Variants in TRPC4AP observed in about 807,000 individuals in gnomAD.
TRPC4AP encodes short transient receptor potential channel 4-associated protein.
In TRPC4AP, 45 loss-of-function variants were observed where a neutral mutation model predicts 99.0. That is an observed-to-expected ratio of 0.45 (90% CI 0.36 to 0.58). TRPC4AP has a LOEUF of 0.58. Among genes scored for constraint, TRPC4AP ranks in the 20% least tolerant of loss-of-function variants. The pLI is 0.00. For missense variants in TRPC4AP, 879 were observed against 985.3 expected, an observed-to-expected ratio of 0.89 and a Z score of 1.44; for synonymous variants, 408 against 385.8, an observed-to-expected ratio of 1.06 and a Z score of -0.67.
At chr20:35,006,040 T>C (rs1363961154) in intron 15 of TRPC4AP, among the ~76,000 whole-genome samples, 1 of 152,076 alleles carries the variant, frequency 6.6e-6, no homozygotes, top group African/African-American at 2.4e-5. Context: ...CGCTCAAGGG[T>C]GCTGGATTCC....
At chr20:35,056,696 C>T (rs1280941587) in intron 4 of TRPC4AP, among the ~76,000 whole-genome samples, 2 of 151,670 alleles carry the variant, frequency 1.3e-5, no homozygotes, top group Admixed American at 6.6e-5. Flanking sequence ...AATTAAATAC[C>T]GAAGCTGGGT....
chr20:35,092,065 C>T (rs1280485892), intron 1 of TRPC4AP, among the ~76,000 whole-genome samples: 1 of 152,054 alleles, frequency 6.6e-6, no homozygotes, highest in East Asian at 1.9e-4. Flanking sequence ...AGGCAGACAA[C>T]AAAGAAATAC....
At chr20:35,083,202 C>T (rs144249405) in intron 1 of TRPC4AP, among the ~76,000 whole-genome samples, 78 of 152,226 alleles carry the variant, frequency 5.1e-4, no homozygotes, top group Non-Finnish European at 9.4e-4. Flanking sequence ...ATTACAGCTA[C>T]AATTTTTAAA....
chr20:35,068,952 C>CACACACACACA (rs2084219343), intron 3 of TRPC4AP, among the ~76,000 whole-genome samples: 1 of 47,752 alleles, frequency 2.1e-5, no homozygotes, highest in Non-Finnish European at 3.9e-5. Flanking sequence ...TATTTACACA[C>CACACACACACA]ACACACACAC....
At chr20:35,012,642 G>T (rs140909956) in intron 11 of TRPC4AP, among the ~76,000 whole-genome samples, 2 of 152,184 alleles carry the variant, frequency 1.3e-5, no homozygotes, top group Non-Finnish European at 2.9e-5. Context: ...GTAAGCAGTC[G>T]GCTTTGCCTG....
intron 8 of TRPC4AP, among the ~76,000 whole-genome samples, chr20:35,031,201 C>G (rs2083183692): frequency 6.6e-6 from 1 of 151,760 alleles, no homozygotes; most frequent in African/African-American, 2.4e-5. Context: ...CCATTTTTCT[C>G]TTACTACTTT....
intron 8 of TRPC4AP, among the ~76,000 whole-genome samples, chr20:35,032,945 GTAA>G (rs1422366684): frequency 6.6e-6 from 1 of 150,864 alleles, no homozygotes; most frequent in African/African-American, 2.4e-5. Flanking sequence ...GCTCACGCCT[GTAA>G]TCCTAGCACT....
intron 3 of TRPC4AP, among the ~76,000 whole-genome samples, chr20:35,058,558 C>G (rs916089515): frequency 4.7e-4 from 72 of 151,776 alleles, no homozygotes; most frequent in African/African-American, 1.7e-3. Context: ...TAATAATGGG[C>G]CAAAGAAGAA....
At chr20:35,004,428 C>T in intron 17 of TRPC4AP, 30 bp downstream of exon 17, 1 of 1,588,996 alleles carries the variant, frequency 6.3e-7, no homozygotes, top group Non-Finnish European at 8.6e-7. Flanking sequence ...AATCGACCTT[C>T]CCTGCTGTGT....
intron 5 of TRPC4AP, among the ~76,000 whole-genome samples, chr20:35,054,140 T>C (rs2083768875): frequency 6.6e-6 from 1 of 152,122 alleles, no homozygotes; most frequent in Non-Finnish European, 1.5e-5. Flanking sequence ...ACCCACAAGA[T>C]GTCAGAAATC....
At chr20:35,086,525 A>ATGTGTGTGTG (rs1176461079) in intron 1 of TRPC4AP, among the ~76,000 whole-genome samples, 5 of 69,190 alleles carry the variant, frequency 7.2e-5, no homozygotes, top group African/African-American at 1.1e-4. Flanking sequence ...GTGTGTATAT[A>ATGTGTGTGTG]TGTGTGTGTG....
intron 8 of TRPC4AP, among the ~76,000 whole-genome samples, chr20:35,023,350 C>T (rs1600530566): frequency 6.6e-6 from 1 of 152,122 alleles, no homozygotes; most frequent in East Asian, 1.9e-4. Flanking sequence ...CTGAAGGTGC[C>T]TGGAACATAG....
At chr20:35,033,820 G>A (rs1328096905) in intron 8 of TRPC4AP, among the ~76,000 whole-genome samples, 2 of 111,716 alleles carry the variant, frequency 1.8e-5, no homozygotes, top group Non-Finnish European at 3.8e-5. Context: ...GGCAAAACCC[G>A]TCTCTATTCA....
intron 1 of TRPC4AP, among the ~76,000 whole-genome samples, chr20:35,090,886 A>C (rs1043430594): frequency 6.6e-6 from 1 of 152,154 alleles, no homozygotes; most frequent in Non-Finnish European, 1.5e-5. Context: ...TGAGTCTTGA[A>C]GCATAACTCA....
intron 3 of TRPC4AP, among the ~76,000 whole-genome samples, chr20:35,066,902 CAG>C (rs1239233608): frequency 2.0e-5 from 3 of 151,928 alleles, no homozygotes; most frequent in Non-Finnish European, 4.4e-5. Context: ...AGGTGCAAAA[CAG>C]AAAACTGGCA....
At position 35,089,004 on chromosome 20, in the gene TRPC4AP, C is replaced by T. The variant is rs866861252; in HGVS notation, c.168+3610G>A. The stretch of plus-strand genomic sequence containing the variant: ...AAAGTTCTGGAAATCTGTTTCACAA[C>T]AATGGGAATATACTTCACATTACTT... On this transcript the variant is annotated intron_variant, in intron 1 of 18. Coordinates refer to ENST00000252015, the MANE Select transcript of TRPC4AP (RefSeq NM_015638.3). Among the ~76,000 whole-genome samples the T allele has an allele frequency of 5.2e-4, 79 of 150,764 alleles. 1 individual carries two copies. Among genetic ancestry groups the T allele is most frequent in the African/African-American group, 1.9e-3 (77 of 41,222 alleles).
chr20:35,029,628 C>CTTTTTTTTTTTTTTTT (rs35372826), intron 8 of TRPC4AP, among the ~76,000 whole-genome samples: 1 of 39,370 alleles, frequency 2.5e-5, no homozygotes, highest in Non-Finnish European at 4.2e-5. Flanking sequence ...AAGTTACTTT[C>CTTTTTTTTTTTTTTTT]TTTTTTTTTT....
At chr20:35,086,521 ATATATGTG>A (rs2084873710) in intron 1 of TRPC4AP, among the ~76,000 whole-genome samples, 2 of 61,840 alleles carry the variant, frequency 3.2e-5, no homozygotes, top group Non-Finnish European at 6.5e-5. Flanking sequence ...GTGTGTGTGT[ATATATGTG>A]TGTGTGTGTG....
At chr20:35,090,101 C>CA (rs11478429) in intron 1 of TRPC4AP, among the ~76,000 whole-genome samples, 183 of 131,732 alleles carry the variant, frequency 1.4e-3, no homozygotes, top group African/African-American at 1.8e-3. Flanking sequence ...GATTCTGTCT[C>CA]AAAAAAAAAA....
Sources: gnomAD v4.1 joint callset for allele counts (sites outside exome capture counted in the v4.1 genomes callset) on GRCh38, gnomAD v4.1.1 for gene constraint, MANE v1.5 for transcripts, NCBI Gene and HGNC (gene_info 2026-07-23, HGNC 2026-07-21) for gene names.